TMC2: variants seen among roughly 807,000 people sequenced by gnomAD.
The protein encoded by TMC2 is transmembrane channel like 2, also known as transmembrane channel-like protein 2.
In TMC2, 102 loss-of-function variants were observed where a neutral mutation model predicts 105.9. The ratio of observed to expected loss-of-function variants is 0.96; its 90% confidence interval spans 0.82 to 1.14. TMC2 has a LOEUF of 1.14. Among genes scored for constraint, TMC2 ranks in the 50% most tolerant of loss-of-function variants. TMC2 has a pLI of 0.00. For missense variants in TMC2, 1,093 were observed against 1,134.3 expected (o/e 0.96, Z 0.52); for synonymous variants, 402 against 422.8 (o/e 0.95, Z 0.60).
chr20:2,573,516 T>C (rs563866659), intron 5 of TMC2, among the ~76,000 whole-genome samples: 1 of 152,006 alleles, frequency 6.6e-6, no homozygotes, highest in African/African-American at 2.4e-5. Flanking sequence ...TATCTGGTTC[T>C]CTTATGGTAC....
intron 2 of TMC2, among the ~76,000 whole-genome samples, chr20:2,557,626 G>T (rs2085992912): frequency 6.6e-6 from 1 of 152,168 alleles, no homozygotes; most frequent in African/African-American, 2.4e-5. Flanking sequence ...CACCTCCCGG[G>T]TTCAAGCGAT....
chr20:2,566,964 C>A (rs983790994), intron 4 of TMC2, among the ~76,000 whole-genome samples: 1 of 152,220 alleles, frequency 6.6e-6, no homozygotes, highest in Non-Finnish European at 1.5e-5. Context: ...ATACCACAGA[C>A]AAAACAACAG....
intron 12 of TMC2, among the ~76,000 whole-genome samples, chr20:2,611,263 A>G (rs1250611051): frequency 1.3e-5 from 2 of 152,198 alleles, no homozygotes; most frequent in Admixed American, 1.3e-4. Context: ...GGGCCCGATG[A>G]TGCTGATGCC....
intron 11 of TMC2, among the ~76,000 whole-genome samples, chr20:2,609,036 C>T (rs989446512): frequency 6.6e-6 from 1 of 152,216 alleles, no homozygotes; most frequent in East Asian, 1.9e-4. Flanking sequence ...ATTTATGCCT[C>T]ATAGCACTAT....
chr20:2,545,920 T>TGAAA (rs755029898), intron 2 of TMC2, among the ~76,000 whole-genome samples: 1,729 of 130,922 alleles, frequency 0.013, 61 homozygotes, highest in Admixed American at 0.076. Context: ...AAGAAAGAAA[T>TGAAA]GAAAGAAAGA....
intron 17 of TMC2, among the ~76,000 whole-genome samples, chr20:2,634,839 TTCTCTGAA>T (rs1406876645): frequency 1.3e-5 from 2 of 152,164 alleles, no homozygotes; most frequent in African/African-American, 4.8e-5. Context: ...TCACCTATAG[TTCTCTGAA>T]TCTCTGAATC....
chr20:2,556,577 C>G (rs923523057), intron 2 of TMC2, among the ~76,000 whole-genome samples: 1 of 151,942 alleles, frequency 6.6e-6, no homozygotes, highest in Non-Finnish European at 1.5e-5. Context: ...TTGAGATCAG[C>G]CTGGGCAAGA....
intron 16 of TMC2, among the ~76,000 whole-genome samples, chr20:2,618,538 G>A (rs1487597881): frequency 6.6e-6 from 1 of 152,178 alleles, no homozygotes; most frequent in Non-Finnish European, 1.5e-5. Flanking sequence ...AGCTGCAGTG[G>A]ACTCTTGACA....
At chr20:2,543,026 C>T (rs1278411695) in intron 2 of TMC2, among the ~76,000 whole-genome samples, 2 of 151,974 alleles carry the variant, frequency 1.3e-5, no homozygotes, top group Non-Finnish European at 2.9e-5. Flanking sequence ...CACTTGAGGT[C>T]AGGAGTTTGA....
At chr20:2,589,215 C>T (rs1186104831) in intron 7 of TMC2, among the ~76,000 whole-genome samples, 1 of 150,204 alleles carries the variant, frequency 6.7e-6, no homozygotes, top group Non-Finnish European at 1.5e-5. Flanking sequence ...TGAGTAAAAT[C>T]TTCCCAGGCC....
chr20:2,592,439 A>G lies in TMC2; in HGVS notation c.933+31A>G, dbSNP rs2086276166. On this transcript the variant is annotated intron_variant, in intron 8 of 19. Transcript: ENST00000358864. The surrounding 1 kb of genome is among the most constrained non-coding windows in gnomAD (Gnocchi z 4.9). ...ATTGTCAACATGCCAATGAACTTCCATTTGTGATTATAAAGGCTAAAGATT... is the reference window on the plus strand; with the variant it reads ...ATTGTCAACATGCCAATGAACTTCCGTTTGTGATTATAAAGGCTAAAGATT... 1 of 1,405,630 alleles carries G rather than the reference A, an allele frequency of 7.1e-7. No homozygotes were observed. Among genetic ancestry groups the G allele is most frequent in the Admixed American group, 1.7e-5 (1 of 59,702 alleles). 87.1% of individuals were successfully genotyped at this position (1,405,630 alleles called of 1,614,324 possible). A position where few individuals can be genotyped will look rare whatever the true frequency, so the allele number is the denominator to read the frequency against.
rs2086356136 is a variant in TMC2 at position 2,602,163 on chromosome 20, G to A, written c.1275G>A (p.Leu425=). The part of the protein sequence containing the change: ...QESNKEENIH[L]TRFLRVLANF... Reference sequence around the variant, plus strand: ...GTAACAAAGAAGAAAATATCCATCTGACAAGATTTCTTCGTGTCCTGGCCA... The same window carrying A: ...GTAACAAAGAAGAAAATATCCATCTAACAAGATTTCTTCGTGTCCTGGCCA... The change falls in exon 11 of 20, where the codon CTG becomes CTA. Residue 425 remains leucine, a synonymous_variant. Coordinates refer to ENST00000358864, the MANE Select transcript of TMC2 (RefSeq NM_080751.3). 1.2e-6 allele frequency: 2 copies of A among 1,612,848 alleles called. No individual in the cohort carries two copies. Among genetic ancestry groups the A allele is most frequent in the African/African-American group, 2.7e-5 (2 of 74,852 alleles).
intron 2 of TMC2, among the ~76,000 whole-genome samples, chr20:2,550,671 TG>T (rs1414493956): frequency 6.6e-6 from 1 of 152,172 alleles, no homozygotes; most frequent in Non-Finnish European, 1.5e-5. Flanking sequence ...CAGCAACCAC[TG>T]ATCATTTTTT....
In TMC2 at chr20:2,642,175, A is replaced by G. The variant is rs1423034299; in HGVS notation, c.*824A>G. On this transcript the variant is annotated 3_prime_UTR_variant, in exon 20 of 20. Coordinates refer to ENST00000358864, the MANE Select transcript of TMC2 (RefSeq NM_080751.3). ...AGTGGGAGGCCAGGGGTTTCAGATG[A>G]GCCTGAGCAACAGAGCAAGACCCTT... Among the ~76,000 whole-genome samples, 2 of 152,240 alleles carry G rather than the reference A, an allele frequency of 1.3e-5. No homozygotes were observed. The highest frequency in any genetic ancestry group is 2.4e-5 in the African/African-American group (1 of 41,452).
intron 2 of TMC2, among the ~76,000 whole-genome samples, chr20:2,539,391 GA>G (rs1369631144): frequency 6.6e-6 from 1 of 152,002 alleles, no homozygotes; most frequent in Non-Finnish European, 1.5e-5. Context: ...TTACAGCTCA[GA>G]AAAAAAATTG....
At position 2,579,196 on chromosome 20, in the gene TMC2, C is replaced by A; in HGVS notation, c.696C>A (p.Ile232=). ...TTGATAATTTCAAGACTCAATGTATCCCCTGGGAAATGAAGATCAAGGACA... is the reference window on the plus strand; with the variant it reads ...TTGATAATTTCAAGACTCAATGTATACCCTGGGAAATGAAGATCAAGGACA... ...RDFDNFKTQC[I]PWEMKIKDIE... is the part of the protein sequence containing the mutation. The change falls in exon 6 of 20, where the codon ATC becomes ATA. Residue 232 remains isoleucine (I), a synonymous_variant. Transcript: ENST00000358864. The A allele has an allele frequency of 6.2e-7, 1 of 1,603,680 alleles. No individual in the cohort carries two copies. The highest frequency in any genetic ancestry group is 8.5e-7 in the Non-Finnish European group (1 of 1,170,706).
In TMC2 at chr20:2,572,227, G is replaced by A; in HGVS notation, c.603G>A (p.Gly201=). The A allele has an allele frequency of 1.9e-6, 3 of 1,613,800 alleles. No individual in the cohort carries two copies. The South Asian group carries it at 3.3e-5, about 18-fold the overall frequency. The change falls in exon 5 of 20, where the codon GGG becomes GGA. Residue 201 remains glycine (G), a synonymous_variant. Transcript: ENST00000358864. ...VEKYEGALGK[G]KGKQLYAYKM... is the part of the protein sequence containing the mutation. ...AGTATGAAGGTGCCTTGGGAAAGGG[G>A]AAAGGCAAGCAACTATATGCCTACA...
chr20:2,579,851 A>T, intron 6 of TMC2, 99 bp from the exon 7 acceptor site: 1 of 688,504 alleles, frequency 1.5e-6, no homozygotes, highest in South Asian at 1.9e-5. Context: ...CATTCAACAG[A>T]CTGATGTGAA....
chr20:2,631,313 A>G (rs1479396365), intron 17 of TMC2, among the ~76,000 whole-genome samples: 1 of 152,228 alleles, frequency 6.6e-6, no homozygotes, highest in Non-Finnish European at 1.5e-5. Flanking sequence ...CAAAGACTAC[A>G]TTGATACTAG....
Sources: gnomAD v4.1 joint callset for allele counts (sites outside exome capture counted in the v4.1 genomes callset) on GRCh38, gnomAD v4.1.1 for gene constraint, Gnocchi (gnomAD v3.1) non-coding constraint, MANE v1.5 for transcripts, NCBI Gene and HGNC (gene_info 2026-07-23, HGNC 2026-07-21) for gene names.